PIBF1: variants seen among roughly 807,000 people sequenced by gnomAD.
The protein encoded by PIBF1 is progesterone immunomodulatory binding factor 1.
PIBF1 carries 90 observed loss-of-function variants against 112.5 expected under a neutral mutation model. That is an observed-to-expected ratio of 0.80 (90% confidence interval 0.67 to 0.95). The LOEUF (loss-of-function observed/expected upper bound fraction) is 0.95, where lower values mean the gene tolerates loss of function less well. PIBF1 is among the 40% of genes least tolerant of loss of function. The pLI, the probability that PIBF1 is intolerant of heterozygous loss-of-function variation, is 0.00. For synonymous variants in PIBF1, 301 were observed against 288.6 expected, an observed-to-expected ratio of 1.04 and a Z score of -0.44; for missense variants, 915 against 852.3, an observed-to-expected ratio of 1.07 and a Z score of -0.92.
chr13:73,003,445 G>A (rs924395204), intron 17 of PIBF1, among the ~76,000 whole-genome samples: 38 of 151,906 alleles, frequency 2.5e-4, no homozygotes, highest in African/African-American at 8.9e-4. Context: ...TGTAGAGACG[G>A]GGTTTCACCA....
intron 10 of PIBF1, among the ~76,000 whole-genome samples, chr13:72,880,889 G>A (rs1295521400): frequency 6.6e-6 from 1 of 152,116 alleles, no homozygotes; most frequent in African/African-American, 2.4e-5. Context: ...TTTCAGCTTT[G>A]CTACTTACTT....
At chr13:72,805,941 G>A (rs1408507206) in intron 5 of PIBF1, among the ~76,000 whole-genome samples, 2 of 152,088 alleles carry the variant, frequency 1.3e-5, no homozygotes. Context: ...GGTACAAATG[G>A]ACAAATTATA....
chr13:73,013,253 A>G (rs1311017565), intron 17 of PIBF1, among the ~76,000 whole-genome samples: 12 of 145,138 alleles, frequency 8.3e-5, no homozygotes, highest in African/African-American at 3.1e-4. Flanking sequence ...GTGAGCCGAG[A>G]TCGCGCCACT....
At chr13:72,946,705 G>A (rs900645448) in intron 14 of PIBF1, among the ~76,000 whole-genome samples, 2 of 152,198 alleles carry the variant, frequency 1.3e-5, no homozygotes, top group Non-Finnish European at 1.5e-5. Flanking sequence ...GGGGCTACAG[G>A]CCCCATGTTA....
intron 17 of PIBF1, among the ~76,000 whole-genome samples, chr13:73,003,494 G>A (rs1326470005): frequency 1.3e-5 from 2 of 151,994 alleles, no homozygotes; most frequent in African/African-American, 2.4e-5. Flanking sequence ...GACCTCAGAT[G>A]ATTCACCCAC....
intron 16 of PIBF1, among the ~76,000 whole-genome samples, chr13:72,994,151 G>A (rs2043573031): frequency 6.6e-6 from 1 of 152,008 alleles, no homozygotes; most frequent in African/African-American, 2.4e-5. Context: ...GGGAGGTAGA[G>A]GCCGGAGGCG....
intron 14 of PIBF1, among the ~76,000 whole-genome samples, chr13:72,942,346 A>G (rs1008048721): frequency 6.6e-6 from 1 of 151,288 alleles, no homozygotes; most frequent in Non-Finnish European, 1.5e-5. Flanking sequence ...ACTGTGATAC[A>G]ATGCTTTGCT....
intron 2 of PIBF1, among the ~76,000 whole-genome samples, chr13:72,785,973 C>T (rs1486820673): frequency 6.6e-6 from 1 of 152,148 alleles, no homozygotes; most frequent in Non-Finnish European, 1.5e-5. Context: ...ATCCAAATTA[C>T]AGTTCTAGAT....
At chr13:72,928,065 G>A (rs1312486676) in intron 13 of PIBF1, among the ~76,000 whole-genome samples, 1 of 123,326 alleles carries the variant, frequency 8.1e-6, no homozygotes, top group African/African-American at 3.1e-5. Flanking sequence ...ATGAGGAAAT[G>A]TGTTTTACTG....
At chr13:72,863,295 C>G (rs1264939442) in intron 10 of PIBF1, among the ~76,000 whole-genome samples, 1 of 152,112 alleles carries the variant, frequency 6.6e-6, no homozygotes, top group African/African-American at 2.4e-5. Flanking sequence ...GTGACAAACA[C>G]ACCATGTATA....
At chr13:72,824,710 G>T (rs2036721587) in intron 6 of PIBF1, among the ~76,000 whole-genome samples, 1 of 152,058 alleles carries the variant, frequency 6.6e-6, no homozygotes, top group South Asian at 2.1e-4. Context: ...TAGGGAATAG[G>T]ATATTTACAC....
At chr13:72,824,842 A>G (rs1022024615) in intron 6 of PIBF1, among the ~76,000 whole-genome samples, 3 of 152,218 alleles carry the variant, frequency 2.0e-5, no homozygotes, top group Non-Finnish European at 4.4e-5. Context: ...AATGGGATAA[A>G]CTGACGTCAC....
At chr13:72,847,400 C>G (rs2037923752) in intron 9 of PIBF1, among the ~76,000 whole-genome samples, 1 of 152,184 alleles carries the variant, frequency 6.6e-6, no homozygotes, top group African/African-American at 2.4e-5. Context: ...GTACTGGCAT[C>G]TGGCAAGAGC....
At chr13:72,984,104 G>T (rs2043218338) in intron 16 of PIBF1, among the ~76,000 whole-genome samples, 1 of 151,780 alleles carries the variant, frequency 6.6e-6, no homozygotes, top group Non-Finnish European at 1.5e-5. Flanking sequence ...TCCATGTAAG[G>T]GTGTGTGACT....
At chr13:73,013,167 G>A (rs910606407) in intron 17 of PIBF1, among the ~76,000 whole-genome samples, 5 of 151,698 alleles carry the variant, frequency 3.3e-5, no homozygotes, top group African/African-American at 1.2e-4. Flanking sequence ...CGGGCGTGGT[G>A]GCGGGCACCT....
chr13:72,852,825 G>T (rs190884992), intron 9 of PIBF1, among the ~76,000 whole-genome samples: 64 of 152,186 alleles, frequency 4.2e-4, no homozygotes, highest in African/African-American at 1.4e-3. Flanking sequence ...TTTTTCATGA[G>T]AGATAGTGTG....
chr13:73,001,012 T>C (rs1432968087), intron 17 of PIBF1, among the ~76,000 whole-genome samples: 1 of 152,194 alleles, frequency 6.6e-6, no homozygotes, highest in African/African-American at 2.4e-5. Context: ...AGCTCAGCTA[T>C]GTCCTAATGA....
rs140574197 is a variant in PIBF1, at chr13:72,827,786, T to C, written c.969T>C (p.Leu323=). 3.7e-6 allele frequency: 6 copies of C among 1,601,900 alleles called. No homozygotes were observed. In the African/African-American group the frequency reaches 6.7e-5, roughly 18 times the overall value. Residue 323 remains leucine (L), a synonymous_variant, in exon 8 of 18, where the codon CTT becomes CTC. Transcript: ENST00000326291. ...TACTGCAAAAGGATAAAGAATATCT[T>C]AATCGCCAAAACATGGAGCTTAGTG... is the stretch of plus-strand genomic sequence containing the variant. ...VTLLQKDKEY[L]NRQNMELSVR...
At position 72,797,971 on chromosome 13, in the gene PIBF1, A is replaced by G; in HGVS notation, c.617A>G (p.Asn206Ser). The G allele has an allele frequency of 1.2e-6, 2 of 1,610,894 alleles. No homozygotes were observed. The highest frequency in any genetic ancestry group is 1.3e-5 in the African/African-American group (1 of 74,922). The change falls in exon 5 of 18, where the codon AAT (asparagine) becomes AGT (serine). Residue 206 changes from asparagine (N) to serine (S), a missense_variant. By Grantham distance (46) the Asn-to-Ser change is conservative. Transcript: ENST00000326291. ...KEICELQVKK[N>S]ILAEELSTNK... is the part of the protein sequence containing the mutation. ...ATCTGTGAACTACAAGTGAAAAAGAATATCCTAGCAGAAGAATTAAGTACA... is the reference window on the plus strand; with the variant it reads ...ATCTGTGAACTACAAGTGAAAAAGAGTATCCTAGCAGAAGAATTAAGTACA...
Sources: allele counts gnomAD v4.1 joint callset (sites outside exome capture counted in the v4.1 genomes callset), GRCh38; gene constraint gnomAD v4.1.1; transcripts MANE v1.5; gene names NCBI Gene and HGNC (gene_info 2026-07-23, HGNC 2026-07-21).